The following PPP2R5A variants were observed in gnomAD, a reference collection of about 807,000 sequenced individuals.
PPP2R5A encodes serine/threonine-protein phosphatase 2A 56 kDa regulatory subunit alpha isoform.
In PPP2R5A, 25 loss-of-function variants were observed where a neutral mutation model predicts 64.2. The observed-to-expected ratio is 0.39, with a 90% CI of 0.28 to 0.54. PPP2R5A has a LOEUF of 0.54. PPP2R5A is among the 20% of genes least tolerant of loss of function. PPP2R5A has a pLI of 0.67. For missense variants in PPP2R5A, 425 were observed against 576.3 expected (o/e 0.74, Z 2.69); for synonymous variants, 198 against 201.2 (o/e 0.98, Z 0.13).
chr1:212,355,052 G>C (rs1571613650), intron 8 of PPP2R5A, among the ~76,000 whole-genome samples: 1 of 152,234 alleles, frequency 6.6e-6, no homozygotes, highest in East Asian at 1.9e-4. Context: ...ACATATAACT[G>C]TATTTGTAGT....
chr1:212,335,122 A>AT (rs969649514), intron 3 of PPP2R5A, among the ~76,000 whole-genome samples: 17 of 150,796 alleles, frequency 1.1e-4, no homozygotes, highest in South Asian at 2.1e-4. Context: ...TAATTTGCTG[A>AT]TTTTTTTTTA....
At chr1:212,301,262 T>C (rs1658795767) in intron 1 of PPP2R5A, among the ~76,000 whole-genome samples, 1 of 152,194 alleles carries the variant, frequency 6.6e-6, no homozygotes, top group African/African-American at 2.4e-5. Context: ...CTGCCCACCT[T>C]GGCCCCCCCA....
At chr1:212,328,987 T>G (rs954167354) in intron 1 of PPP2R5A, 148 bp from the exon 2 acceptor site, 2 of 519,428 alleles carry the variant, frequency 3.9e-6, no homozygotes, top group African/African-American at 4.0e-5. Flanking sequence ...TATAAATCCC[T>G]GAATGATGGG....
At chr1:212,297,075 T>C (rs1019103604) in intron 1 of PPP2R5A, among the ~76,000 whole-genome samples, 1 of 149,842 alleles carries the variant, frequency 6.7e-6, no homozygotes, top group African/African-American at 2.4e-5. Context: ...AATACGTTTC[T>C]TTTCTTTTTC....
At chr1:212,289,362 T>TTTTTACAAACGTCATTTTACAAACG (rs1343318360) in intron 1 of PPP2R5A, among the ~76,000 whole-genome samples, 1 of 152,224 alleles carries the variant, frequency 6.6e-6, no homozygotes, top group African/African-American at 2.4e-5. Context: ...AAACATCCTA[T>TTTTTACAAACGTCATTTTACAAACG]TCATTGGGTC....
At chr1:212,322,214 ACTGTG>A (rs1207896791) in intron 1 of PPP2R5A, among the ~76,000 whole-genome samples, 5 of 100,650 alleles carry the variant, frequency 5.0e-5, no homozygotes, top group East Asian at 2.9e-4. Flanking sequence ...GGAGAGGGAG[ACTGTG>A]GGGAGAGGGA....
chr1:212,329,260 G>T lies in PPP2R5A; in HGVS notation c.307G>T (p.Glu103Ter). ...AGAAATTAAAAGAGCAACACTGAAT[G>T]AACTGGTTGAGTATGTTTCAACTAA... ...SKEIKRATLN[E>*]LVEYVSTNRG... Residue 103 changes from glutamate (E) to a stop codon, truncating the protein, a stop_gained, in exon 2 of 13, where the codon GAA becomes TAA. Transcript: ENST00000261461. LOFTEE classifies it high-confidence loss of function. 1 of 1,612,648 alleles carries T rather than the reference G, an allele frequency of 6.2e-7. No individual in the cohort carries two copies. The highest frequency in any genetic ancestry group is 1.1e-5 in the South Asian group (1 of 90,566).
chr1:212,353,919 T>G (rs1358246580), intron 8 of PPP2R5A, among the ~76,000 whole-genome samples: 2 of 152,170 alleles, frequency 1.3e-5, no homozygotes, highest in Non-Finnish European at 2.9e-5. Flanking sequence ...GCGCTGTGGC[T>G]CAAGCCTGTA....
chr1:212,315,260 T>C (rs1659124393), intron 1 of PPP2R5A, among the ~76,000 whole-genome samples: 1 of 152,224 alleles, frequency 6.6e-6, no homozygotes, highest in Non-Finnish European at 1.5e-5. Flanking sequence ...TTTAAAAACA[T>C]ACCTGAGTTT....
At chr1:212,342,372 T>TCA (rs1659700421) in intron 4 of PPP2R5A, 92 bp downstream of exon 4, 1 of 1,442,316 alleles carries the variant, frequency 6.9e-7, no homozygotes, top group African/African-American at 1.4e-5. Context: ...TTCAAAACTT[T>TCA]AATGGTTTAA....
chr1:212,301,935 A>G, intron 1 of PPP2R5A: 2 of 1,325,058 alleles, frequency 1.5e-6, no homozygotes, highest in South Asian at 3.7e-5. Context: ...TAAAATTATT[A>G]TTTGTTAGAA....
At chr1:212,354,045 C>G (rs1036660435) in intron 8 of PPP2R5A, among the ~76,000 whole-genome samples, 1 of 151,768 alleles carries the variant, frequency 6.6e-6, no homozygotes, top group African/African-American at 2.4e-5. Flanking sequence ...TTAGCTGAGC[C>G]TGGTGGCGGG....
At chr1:212,323,614 A>C (rs1001229749) in intron 1 of PPP2R5A, among the ~76,000 whole-genome samples, 11 of 152,244 alleles carry the variant, frequency 7.2e-5, no homozygotes, top group Admixed American at 2.6e-4. Context: ...CCCAAGCATT[A>C]TGTAATGCTG....
chr1:212,338,926 A>G (rs113155248), intron 3 of PPP2R5A, among the ~76,000 whole-genome samples: 1 of 152,188 alleles, frequency 6.6e-6, no homozygotes, highest in Admixed American at 6.5e-5. Context: ...ATTGAGGGTA[A>G]AGTAATGAAC....
At chr1:212,333,887 C>T (rs1659548987) in intron 3 of PPP2R5A, 1 of 225,846 alleles carries the variant, frequency 4.4e-6, no homozygotes. Flanking sequence ...TATAACTTTT[C>T]TATCACCCCA....
At chr1:212,326,952 T>C (rs954322575) in intron 1 of PPP2R5A, among the ~76,000 whole-genome samples, 1 of 152,226 alleles carries the variant, frequency 6.6e-6, no homozygotes, top group Admixed American at 6.5e-5. Context: ...CCTTATGTCT[T>C]GTGACTTTGT....
chr1:212,357,441 A>G, intron 11 of PPP2R5A, 157 bp downstream of exon 11: 3 of 592,608 alleles, frequency 5.1e-6, no homozygotes, highest in Non-Finnish European at 7.9e-6. Context: ...ATATACGTAT[A>G]CCTTTATCAA....
chr1:212,286,137 GGCT>G lies in PPP2R5A; in HGVS notation c.30_32del (p.Ala11del). On this transcript the variant is annotated inframe_deletion, in exon 1 of 13. Coordinates refer to ENST00000261461, the MANE Select transcript of PPP2R5A (RefSeq NM_006243.4). ...TGTCGTCGTCGTCGCCGCCGGCGGG[GGCT>G]GCCAGCGCCGCCATCTCGGCCTCGG... 6.3e-7 allele frequency: 1 copy of G among 1,585,244 alleles called. No individual in the cohort carries two copies. The highest frequency in any genetic ancestry group is 1.1e-5 in the South Asian group (1 of 87,960).
intron 1 of PPP2R5A, among the ~76,000 whole-genome samples, chr1:212,298,815 A>T (rs1658741824): frequency 3.4e-5 from 1 of 29,238 alleles, no homozygotes; most frequent in African/African-American, 3.4e-4. Flanking sequence ...CTCACTTCCC[A>T]GTAGGGGCGG....
Sources: allele counts gnomAD v4.1 joint callset (sites outside exome capture counted in the v4.1 genomes callset), GRCh38; gene constraint gnomAD v4.1.1; transcripts MANE v1.5; gene names NCBI Gene and HGNC (gene_info 2026-07-23, HGNC 2026-07-21).